ESRRG: variants seen among roughly 807,000 people sequenced by gnomAD.
ESRRG encodes the protein estrogen-related receptor gamma.
In ESRRG, 13 loss-of-function variants were observed where a neutral mutation model predicts 44.0. The ratio of observed to expected loss-of-function variants is 0.30; its 90% confidence interval spans 0.19 to 0.47. ESRRG has a LOEUF of 0.47. Ranked by LOEUF, ESRRG falls within the 20% of genes least tolerant of loss-of-function variation. The pLI is 1.00. For missense variants in ESRRG, 395 were observed against 580.6 expected, an observed-to-expected ratio of 0.68 and a Z score of 3.29; for synonymous variants, 215 against 214.6, an observed-to-expected ratio of 1.00 and a Z score of -0.02.
At chr1:216,977,459 T>G (rs193276643) in intron 1 of ESRRG, among the ~76,000 whole-genome samples, 8 of 152,188 alleles carry the variant, frequency 5.3e-5, no homozygotes, top group African/African-American at 1.9e-4. Context: ...TTATTTTACT[T>G]AATATTTGTA....
At chr1:216,881,062 A>C (rs1257569445) in intron 2 of ESRRG, among the ~76,000 whole-genome samples, 2 of 152,334 alleles carry the variant, frequency 1.3e-5, no homozygotes, top group Non-Finnish European at 1.5e-5. Context: ...GCATAAATTA[A>C]ACTGGCAAAG....
intron 2 of ESRRG, among the ~76,000 whole-genome samples, chr1:216,756,625 A>G (rs1333136439): frequency 2.0e-5 from 3 of 152,050 alleles, no homozygotes; most frequent in Non-Finnish European, 2.9e-5. Context: ...AGAACGAGGC[A>G]GGGAAGGGGA....
At chr1:216,865,409 T>C (rs962791699) in intron 2 of ESRRG, among the ~76,000 whole-genome samples, 9 of 151,960 alleles carry the variant, frequency 5.9e-5, no homozygotes, top group African/African-American at 1.9e-4. Flanking sequence ...TCAACCATCC[T>C]TGACAACTGT....
intron 1 of ESRRG, among the ~76,000 whole-genome samples, chr1:216,719,149 T>C (rs2789713): frequency 0.29 from 44,666 of 151,928 alleles, 7,180 homozygotes; most frequent in East Asian, 0.49. Context: ...GATTGGGCAT[T>C]ATGCCTACCT....
intron 2 of ESRRG, among the ~76,000 whole-genome samples, chr1:216,915,630 G>A (rs2061068592): frequency 2.0e-5 from 3 of 152,128 alleles, no homozygotes. Flanking sequence ...TGATTACAAA[G>A]AGAAATCTGA....
At chr1:217,043,867 A>G (rs761313831) in intron 1 of ESRRG, among the ~76,000 whole-genome samples, 1 of 152,088 alleles carries the variant, frequency 6.6e-6, no homozygotes, top group South Asian at 2.1e-4. Context: ...AACTCACTAC[A>G]TATTAGCAAC....
intron 5 of ESRRG, among the ~76,000 whole-genome samples, chr1:216,539,832 C>G (rs760223947): frequency 3.8e-4 from 57 of 150,652 alleles, no homozygotes; most frequent in Admixed American, 1.3e-3. Context: ...TCACCTTTGA[C>G]GCAAAAAAAA....
intron 1 of ESRRG, among the ~76,000 whole-genome samples, chr1:217,061,761 C>T (rs1216223142): frequency 6.6e-6 from 1 of 152,136 alleles, no homozygotes; most frequent in East Asian, 1.9e-4. Flanking sequence ...AAGATACCTC[C>T]TCTTCACTGT....
chr1:216,762,272 A>C (rs2092820979), intron 2 of ESRRG, among the ~76,000 whole-genome samples: 1 of 152,082 alleles, frequency 6.6e-6, no homozygotes, highest in Non-Finnish European at 1.5e-5. Context: ...TTATTGCGGC[A>C]TTATTCACAA....
At chr1:216,563,206 A>C (rs2059097783) in intron 5 of ESRRG, among the ~76,000 whole-genome samples, 2 of 152,168 alleles carry the variant, frequency 1.3e-5, no homozygotes, top group Non-Finnish European at 2.9e-5. Context: ...CCTCATCTAG[A>C]ACTACAACGA....
chr1:216,721,448 A>G (rs2086258254), intron 1 of ESRRG, among the ~76,000 whole-genome samples: 1 of 152,228 alleles, frequency 6.6e-6, no homozygotes, highest in Non-Finnish European at 1.5e-5. Context: ...CCACGTAACC[A>G]TCAGAACTGC....
chr1:217,090,400 A>G (rs1385639448), upstream of ESRRG: 1 of 152,006 alleles, frequency 6.6e-6, no homozygotes, highest in Non-Finnish European at 1.5e-5. Context: ...CCACCTCCCA[A>G]CCCTGAAAAA....
At chr1:216,531,806 A>G (rs748591363) in intron 5 of ESRRG, among the ~76,000 whole-genome samples, 26 of 152,002 alleles carry the variant, frequency 1.7e-4, no homozygotes, top group Non-Finnish European at 2.6e-4. Context: ...CTCCTCCCCA[A>G]ATAAACAAGA....
At chr1:216,851,754 G>T (rs1330582180) in intron 2 of ESRRG, among the ~76,000 whole-genome samples, 1 of 152,186 alleles carries the variant, frequency 6.6e-6, no homozygotes, top group Admixed American at 6.5e-5. Context: ...CTAATTTGCA[G>T]AAATGTGCAT....
At chr1:216,840,000 G>T (rs550056985) in intron 2 of ESRRG, among the ~76,000 whole-genome samples, 6 of 152,286 alleles carry the variant, frequency 3.9e-5, no homozygotes, top group Admixed American at 3.9e-4. Context: ...TCAACTTAAA[G>T]TCAACAGCTG....
At chr1:216,906,029 G>T (rs533068814) in intron 2 of ESRRG, among the ~76,000 whole-genome samples, 1 of 152,350 alleles carries the variant, frequency 6.6e-6, no homozygotes, top group Admixed American at 6.5e-5. Context: ...GGGATTACAG[G>T]CATGAGCCAC....
At chr1:216,513,838 G>C (rs1019269452) in intron 6 of ESRRG, among the ~76,000 whole-genome samples, 6 of 152,072 alleles carry the variant, frequency 3.9e-5, no homozygotes, top group Non-Finnish European at 8.8e-5. Context: ...GACAATTATA[G>C]TATACTGGGT....
At chr1:216,641,868 C>G (rs1365439288) in intron 3 of ESRRG, among the ~76,000 whole-genome samples, 5 of 152,172 alleles carry the variant, frequency 3.3e-5, no homozygotes, top group Non-Finnish European at 5.9e-5. Context: ...TGAACTTGTT[C>G]CCTACAACAT....
chr1:216,530,505 T>G (rs1242472270), intron 5 of ESRRG, among the ~76,000 whole-genome samples: 1 of 152,158 alleles, frequency 6.6e-6, no homozygotes, highest in Non-Finnish European at 1.5e-5. Flanking sequence ...AGGCTCAGGG[T>G]ATCTTGTCAA....
Sources: gnomAD v4.1 joint callset for allele counts (sites outside exome capture counted in the v4.1 genomes callset) on GRCh38, gnomAD v4.1.1 for gene constraint, MANE v1.5 for transcripts, NCBI Gene and HGNC (gene_info 2026-07-23, HGNC 2026-07-21) for gene names.